The following KALRN variants were observed in gnomAD, a reference collection of about 807,000 sequenced individuals.
KALRN encodes the protein kalirin RhoGEF kinase.
In KALRN, 70 loss-of-function variants were observed where a neutral mutation model predicts 353.7. The observed-to-expected ratio is 0.20, with a 90% CI of 0.16 to 0.24. KALRN has a LOEUF of 0.24. Among genes scored for constraint, KALRN ranks in the 10% least tolerant of loss-of-function variants. KALRN has a pLI of 1.00. For synonymous variants in KALRN, 1,391 were observed against 1,434.8 expected (o/e 0.97, Z 0.69); for missense variants, 2,791 against 3,756.7 (o/e 0.74, Z 6.72).
chr3:124,686,119 C>A (rs1578946455), intron 51 of KALRN, among the ~76,000 whole-genome samples: 1 of 152,294 alleles, frequency 6.6e-6, no homozygotes, highest in Admixed American at 6.5e-5. Flanking sequence ...AATAAATGCC[C>A]ATGTTACACA....
intron 1 of KALRN, among the ~76,000 whole-genome samples, chr3:124,202,594 G>A (rs2076050070): frequency 6.6e-6 from 1 of 151,874 alleles, no homozygotes; most frequent in Non-Finnish European, 1.5e-5. Flanking sequence ...AATTTTCTTT[G>A]AACCCTCCCT....
chr3:124,307,492 A>C (rs1580767561), intron 6 of KALRN, among the ~76,000 whole-genome samples: 1 of 152,160 alleles, frequency 6.6e-6, no homozygotes, highest in Admixed American at 6.5e-5. Flanking sequence ...ACAAAATGTG[A>C]GGAAAGGGAA....
chr3:124,406,501 G>T (rs1233670337), intron 13 of KALRN, among the ~76,000 whole-genome samples: 1 of 152,218 alleles, frequency 6.6e-6, no homozygotes, highest in Non-Finnish European at 1.5e-5. Context: ...TTGTAGGGCA[G>T]TGGAGAATAT....
chr3:124,647,875 A>G (rs1165243292), intron 37 of KALRN, among the ~76,000 whole-genome samples: 2 of 152,214 alleles, frequency 1.3e-5, no homozygotes, highest in South Asian at 2.1e-4. Flanking sequence ...TTCATTTTAA[A>G]TATGGGGATG....
intron 14 of KALRN, among the ~76,000 whole-genome samples, chr3:124,416,399 C>A (rs140884513): frequency 4.6e-5 from 7 of 152,342 alleles, no homozygotes; most frequent in African/African-American, 1.4e-4. Flanking sequence ...ACACCCCAGG[C>A]AGATGGGCTG....
At chr3:124,177,937 T>G (rs769950513) in intron 1 of KALRN, among the ~76,000 whole-genome samples, 38 of 152,326 alleles carry the variant, frequency 2.5e-4, no homozygotes, top group Non-Finnish European at 4.4e-4. Flanking sequence ...ACTTGGTCCA[T>G]GCAAGTGTTT....
At chr3:124,491,697 G>A (rs2076716) in intron 31 of KALRN, 157,038 of 308,128 alleles carry the variant, frequency 0.51, 41,125 homozygotes, top group East Asian at 0.71. Flanking sequence ...AGCAAGGCCC[G>A]CTTAAACTGT....
intron 5 of KALRN, among the ~76,000 whole-genome samples, chr3:124,287,818 T>A (rs1001927322): frequency 2.2e-5 from 3 of 133,776 alleles, no homozygotes; most frequent in Admixed American, 7.6e-5. Context: ...TATATATATA[T>A]ATATATATGT....
At chr3:124,676,413 G>T (rs1285664735) in intron 49 of KALRN, among the ~76,000 whole-genome samples, 1 of 152,150 alleles carries the variant, frequency 6.6e-6, no homozygotes, top group Non-Finnish European at 1.5e-5. Context: ...AGTTGGTTGT[G>T]ATGCCTACAG....
intron 1 of KALRN, among the ~76,000 whole-genome samples, chr3:124,106,343 C>G (rs987188857): frequency 1.3e-5 from 2 of 152,182 alleles, no homozygotes; most frequent in African/African-American, 4.8e-5. Context: ...TGGAATAGTT[C>G]AAGACCTTGG....
At chr3:124,449,184 A>G (rs1255703431) in intron 21 of KALRN, among the ~76,000 whole-genome samples, 3 of 152,190 alleles carry the variant, frequency 2.0e-5, no homozygotes, top group Non-Finnish European at 4.4e-5. Flanking sequence ...AACCAAATTG[A>G]CCTTTAGCCA....
intron 33 of KALRN, among the ~76,000 whole-genome samples, chr3:124,550,154 T>G (rs1430665178): frequency 6.6e-6 from 1 of 152,142 alleles, no homozygotes; most frequent in African/African-American, 2.4e-5. Flanking sequence ...ACTTAATAGC[T>G]TTGCAGGACT....
At chr3:124,646,689 C>A (rs1272121240) in intron 37 of KALRN, among the ~76,000 whole-genome samples, 2 of 116,178 alleles carry the variant, frequency 1.7e-5, no homozygotes, top group African/African-American at 7.0e-5. Flanking sequence ...CTGCGCCCGG[C>A]CTCTTTTCCA....
chr3:124,661,494 C>T (rs1253324519), intron 44 of KALRN, among the ~76,000 whole-genome samples: 1 of 152,208 alleles, frequency 6.6e-6, no homozygotes, highest in East Asian at 1.9e-4. Context: ...TAGTGTTTCA[C>T]AAGCCAGGCT....
chr3:124,590,938 TTCC>T (rs1447296510), intron 34 of KALRN, among the ~76,000 whole-genome samples: 3 of 152,192 alleles, frequency 2.0e-5, no homozygotes, highest in Non-Finnish European at 4.4e-5. Flanking sequence ...CTGATATTCT[TTCC>T]TCAACTCTTT....
At chr3:124,514,269 A>G (rs935267828) in intron 33 of KALRN, among the ~76,000 whole-genome samples, 2 of 152,222 alleles carry the variant, frequency 1.3e-5, no homozygotes, top group East Asian at 3.9e-4. Context: ...CACAGAATAC[A>G]TAAAGTCCCT....
chr3:124,399,484 C>T (rs1035787898), intron 13 of KALRN, among the ~76,000 whole-genome samples: 2 of 152,174 alleles, frequency 1.3e-5, no homozygotes, highest in South Asian at 4.1e-4. Flanking sequence ...TGGCATTTTC[C>T]TGAAATACCA....
chr3:124,534,670 G>A (rs962473332), intron 33 of KALRN, among the ~76,000 whole-genome samples: 1 of 152,182 alleles, frequency 6.6e-6, no homozygotes. Context: ...AAAGGTGTGA[G>A]TACCTGAATG....
chr3:124,505,120 A>G (rs991265897), intron 33 of KALRN, among the ~76,000 whole-genome samples: 6 of 152,158 alleles, frequency 3.9e-5, no homozygotes, highest in Admixed American at 6.5e-5. Context: ...TGTATCACTT[A>G]CCCTTTCTTC....
Sources: gnomAD v4.1 joint callset for allele counts (sites outside exome capture counted in the v4.1 genomes callset) on GRCh38, gnomAD v4.1.1 for gene constraint, MANE v1.5 for transcripts, NCBI Gene and HGNC (gene_info 2026-07-23, HGNC 2026-07-21) for gene names.